RGL1: variants seen among roughly 807,000 people sequenced by gnomAD.
RGL1 encodes ral guanine nucleotide dissociation stimulator-like 1.
A neutral mutation model predicts 95.2 loss-of-function variants in RGL1; 24 were observed. The ratio of observed to expected loss-of-function variants is 0.25; its 90% CI spans 0.18 to 0.35. The LOEUF (loss-of-function observed/expected upper bound fraction) is 0.35, where lower values mean the gene tolerates loss of function less well. Ranked by LOEUF, RGL1 falls within the 10% of genes least tolerant of loss-of-function variation. The pLI, the probability that RGL1 is intolerant of heterozygous loss-of-function variation, is 1.00. For missense variants in RGL1, 715 were observed against 936.3 expected (o/e 0.76, Z 3.08); for synonymous variants, 329 against 344.9 (o/e 0.95, Z 0.51).
chr1:183,876,110 G>T (rs1488963602), intron 4 of RGL1, among the ~76,000 whole-genome samples: 1 of 152,118 alleles, frequency 6.6e-6, no homozygotes, highest in Non-Finnish European at 1.5e-5. Context: ...GCCTTGACCA[G>T]GTCAGCTCCC....
At chr1:183,887,427 G>A (rs960775535) in intron 7 of RGL1, among the ~76,000 whole-genome samples, 13 of 151,756 alleles carry the variant, frequency 8.6e-5, no homozygotes, top group East Asian at 5.8e-4. Flanking sequence ...AATGATTCTC[G>A]AAGTGATTTA....
intron 2 of RGL1, among the ~76,000 whole-genome samples, chr1:183,773,955 GAA>G (rs11306110): frequency 2.5e-4 from 38 of 149,986 alleles, no homozygotes; most frequent in East Asian, 7.8e-4. Flanking sequence ...ACTTGGGAAA[GAA>G]AAAAAAAAAG....
chr1:183,774,810 G>A (rs905554236), intron 2 of RGL1, among the ~76,000 whole-genome samples: 5 of 151,832 alleles, frequency 3.3e-5, no homozygotes, highest in Non-Finnish European at 5.9e-5. Context: ...TCCTGACCTC[G>A]TAATCCGCCC....
At chr1:183,769,078 A>AT (rs1321617365) in intron 2 of RGL1, among the ~76,000 whole-genome samples, 5 of 152,130 alleles carry the variant, frequency 3.3e-5, no homozygotes, top group Non-Finnish European at 5.9e-5. Flanking sequence ...CAGTTTTTTC[A>AT]TTTTTAACAG....
At chr1:183,873,578 G>A (rs188605676) in intron 4 of RGL1, among the ~76,000 whole-genome samples, 3 of 152,194 alleles carry the variant, frequency 2.0e-5, no homozygotes, top group Non-Finnish European at 2.9e-5. Flanking sequence ...TTGGGATCTC[G>A]GATACTCAAG....
At chr1:183,903,743 G>A (rs1370775026) in intron 12 of RGL1, among the ~76,000 whole-genome samples, 1 of 152,148 alleles carries the variant, frequency 6.6e-6, no homozygotes. Flanking sequence ...AACTTGTAGG[G>A]CCAGAGAAAC....
intron 2 of RGL1, among the ~76,000 whole-genome samples, chr1:183,846,921 A>T (rs1664483594): frequency 6.6e-6 from 1 of 152,168 alleles, no homozygotes; most frequent in South Asian, 2.1e-4. Flanking sequence ...GGAACAAAAC[A>T]AAGGGAATGC....
chr1:183,796,225 C>T (rs1190004203), intron 2 of RGL1, among the ~76,000 whole-genome samples: 2 of 143,790 alleles, frequency 1.4e-5, no homozygotes, highest in African/African-American at 2.6e-5. Context: ...AGTGCAGTGG[C>T]GCGATCTCGG....
At chr1:183,636,457 TG>T (rs1162648280) in exon 1 of RGL1, 14 of 324,102 alleles carry the variant, frequency 4.3e-5, no homozygotes, top group Middle Eastern at 7.9e-4. Context: ...TATCTGTCAG[TG>T]CTGTGTGACA....
chr1:183,883,862 G>C lies in RGL1; in HGVS notation c.687G>C (p.Thr229=), dbSNP rs576373103. The change falls in exon 6 of 18, where the codon ACG becomes ACC. Residue 229 remains threonine (T), a synonymous_variant. Transcript: ENST00000360851. ...ELEGGESAEF[T]CFSEDLVAEQ... ...AGGGTGGAGAGTCAGCAGAATTCAC[G>C]TGCTTCTCAGAAGATCTCGTGGCAG... is the stretch of plus-strand genomic sequence containing the variant. 6.2e-7 allele frequency: 1 copy of C among 1,614,108 alleles called. No individual in the cohort carries two copies. Among genetic ancestry groups the C allele is most frequent in the African/African-American group, 1.3e-5 (1 of 75,048 alleles).
At chr1:183,745,050 G>C (rs927402284) in intron 2 of RGL1, among the ~76,000 whole-genome samples, 2 of 152,128 alleles carry the variant, frequency 1.3e-5, no homozygotes, top group Non-Finnish European at 2.9e-5. Flanking sequence ...GGTATTGACA[G>C]ACCTTTAAAT....
chr1:183,766,437 A>C (rs1658971361), intron 2 of RGL1, among the ~76,000 whole-genome samples: 2 of 152,134 alleles, frequency 1.3e-5, no homozygotes, highest in Admixed American at 6.5e-5. Flanking sequence ...CAGTCAATAT[A>C]ATTTTCTAAA....
At position 183,746,022 on chromosome 1, in the gene RGL1, A is replaced by AT. The variant is rs34076328; in HGVS notation, c.132+3746dup. Among the ~76,000 whole-genome samples, 118 of 143,724 alleles carry AT rather than the reference A, an allele frequency of 8.2e-4. 1 individual carries two copies. The highest frequency in any genetic ancestry group is 1.5e-3 in the African/African-American group (57 of 39,240). The allele number at this position is 143,724 out of a possible 152,430, so 94.3% of individuals were successfully genotyped here. A position where few individuals can be genotyped will look rare whatever the true frequency, so the allele number is the denominator to read the frequency against. On this transcript the variant is annotated intron_variant, in intron 2 of 18. Transcript: ENST00000304685. The stretch of plus-strand genomic sequence containing the variant: ...AAGGCTAAAGAAGTTCCTTCAATTC[A>AT]TTTTTTTTTTTTTGCTAAGTGCTTA...
intron 1 of RGL1, among the ~76,000 whole-genome samples, chr1:183,682,015 C>T (rs999690848): frequency 2.0e-5 from 3 of 152,034 alleles, no homozygotes; most frequent in African/African-American, 4.8e-5. Flanking sequence ...GTGGTGATAT[C>T]CCCTTTATCA....
intron 2 of RGL1, among the ~76,000 whole-genome samples, chr1:183,743,772 A>G (rs371222370): frequency 6.1e-4 from 72 of 117,116 alleles, no homozygotes; most frequent in African/African-American, 1.9e-3. Flanking sequence ...GGATGGAATC[A>G]TAACAAGTGG....
rs150825045 is a variant in RGL1 at position 183,914,423 on chromosome 1, T to G, written c.1750-2024T>G. On this transcript the variant is annotated intron_variant, in intron 15 of 17. Coordinates refer to ENST00000360851, the MANE Select transcript of RGL1 (RefSeq NM_001297671.3). ...CATCAGTGATTCACTTGGATGCAAGTAGCTCCTGGACTGCACAATCCCTGC... is the reference window on the plus strand; with the variant it reads ...CATCAGTGATTCACTTGGATGCAAGGAGCTCCTGGACTGCACAATCCCTGC... 4.3e-3 allele frequency among the ~76,000 whole-genome samples: 659 copies of G among 152,288 alleles called. 12 individuals are homozygous for G. Among genetic ancestry groups the G allele is most frequent in the Admixed American group, 0.035 (528 of 15,304 alleles).
intron 1 of RGL1, among the ~76,000 whole-genome samples, chr1:183,717,381 A>G (rs1241370234): frequency 1.3e-5 from 2 of 152,150 alleles, no homozygotes; most frequent in Non-Finnish European, 2.9e-5. Flanking sequence ...TACTTTCTCC[A>G]TCTGGCACAT....
chr1:183,908,653 A>G (rs1668477601), intron 14 of RGL1, among the ~76,000 whole-genome samples: 1 of 152,152 alleles, frequency 6.6e-6, no homozygotes, highest in Non-Finnish European at 1.5e-5. Flanking sequence ...TAAGACTGGC[A>G]TGTGCACAGG....
intron 2 of RGL1, among the ~76,000 whole-genome samples, chr1:183,843,575 A>G (rs990064409): frequency 4.6e-5 from 7 of 152,252 alleles, no homozygotes; most frequent in African/African-American, 1.7e-4. Context: ...GGACACGTCA[A>G]TACTCGGTGA....
Sources: gnomAD v4.1 joint callset for allele counts (sites outside exome capture counted in the v4.1 genomes callset) on GRCh38, gnomAD v4.1.1 for gene constraint, MANE v1.5 for transcripts, NCBI Gene and HGNC (gene_info 2026-07-23, HGNC 2026-07-21) for gene names.